The following SLIT3 variants were observed in gnomAD, a reference collection of about 807,000 sequenced individuals.
SLIT3 encodes slit homolog 3 protein.
SLIT3 carries 68 observed loss-of-function variants against 184.0 expected under a neutral mutation model. The ratio of observed to expected loss-of-function variants is 0.37; its 90% CI spans 0.30 to 0.45. The LOEUF (loss-of-function observed/expected upper bound fraction) is 0.45. SLIT3 is among the 20% of genes least tolerant of loss of function. SLIT3 has a pLI of 1.00. For missense variants in SLIT3, 1,707 were observed against 2,026.0 expected (o/e 0.84, Z 3.02); for synonymous variants, 831 against 828.6 (o/e 1.00, Z -0.05).
intron 5 of SLIT3, among the ~76,000 whole-genome samples, chr5:168,846,288 G>T (rs936030816): frequency 6.6e-6 from 1 of 152,124 alleles, no homozygotes; most frequent in Non-Finnish European, 1.5e-5. Flanking sequence ...TTCAGTTGGC[G>T]AGTTCTGTAT....
intron 12 of SLIT3, among the ~76,000 whole-genome samples, chr5:168,776,810 G>A (rs1218817757): frequency 6.6e-6 from 1 of 152,124 alleles, no homozygotes; most frequent in African/African-American, 2.4e-5. Flanking sequence ...CTCAGGAATG[G>A]ACCCTTCACA....
rs1411099851 is a variant in SLIT3, at chr5:168,661,790, A to G, written c.*4664T>C. Reference sequence around the variant, plus strand: ...CTGATAGCTCCTCTGTGACTCATCCATTTATTTTAATGACATCTGAATATG... The same window carrying G: ...CTGATAGCTCCTCTGTGACTCATCCGTTTATTTTAATGACATCTGAATATG... On this transcript the variant is annotated 3_prime_UTR_variant, in exon 36 of 36. Transcript: ENST00000519560. The G allele has an allele frequency of 6.6e-6, 1 of 152,216 alleles. No individual in the cohort carries two copies. Among genetic ancestry groups the G allele is most frequent in the Non-Finnish European group, 1.5e-5 (1 of 68,050 alleles). The allele number at this position is 152,216 out of a possible 1,614,324, so 9.4% of individuals were successfully genotyped here. A position where few individuals can be genotyped will look rare whatever the true frequency, so the allele number is the denominator to read the frequency against.
In SLIT3 at chr5:168,710,944, C is replaced by A; in HGVS notation, c.2670G>T (p.Met890Ile). The A allele has an allele frequency of 6.4e-7, 1 of 1,565,380 alleles. No individual in the cohort carries two copies. The highest frequency in any genetic ancestry group is 2.3e-5 in the East Asian group (1 of 42,900). Residue 890 changes from methionine (M) to isoleucine (I), a missense_variant, in exon 25 of 36, where the codon ATG becomes ATT. Physicochemically the swap from Met to Ile is conservative, Grantham distance 10. Around this residue, in one of 3 missense-constraint regions of SLIT3, gnomAD observed 1,307 missense variants for 1,511.6 expected, o/e 0.86. Coordinates refer to ENST00000519560, the MANE Select transcript of SLIT3 (RefSeq NM_003062.4). ...GIARCSSPEP[M>I]ADRLLLTTPT... ...GGGTGGTGAGCAGGAGCCTGTCAGC[C>A]ATGGGCTCAGGGCTACTGCAGCGGG...
chr5:169,102,828 A>G lies in SLIT3; in HGVS notation c.413+90651T>C, dbSNP rs143748043. 1.2e-4 allele frequency among the ~76,000 whole-genome samples: 19 copies of G among 152,330 alleles called. No individual in the cohort carries two copies. The East Asian group carries it at 3.7e-3, about 29-fold the overall frequency. ...GTTAATCTCATCCCGAAACATCCTC[A>G]CAGAAGCACTCGAATGATATCTGAC... On this transcript the variant is annotated intron_variant, in intron 4 of 35. Coordinates refer to ENST00000519560, the MANE Select transcript of SLIT3 (RefSeq NM_003062.4).
chr5:168,870,959 C>T (rs1364100863), intron 5 of SLIT3, among the ~76,000 whole-genome samples: 1 of 152,178 alleles, frequency 6.6e-6, no homozygotes, highest in African/African-American at 2.4e-5. Flanking sequence ...ACTGGTTTCC[C>T]ATGGCTGCTA....
intron 4 of SLIT3, among the ~76,000 whole-genome samples, chr5:169,021,917 C>T (rs969528140): frequency 6.0e-5 from 9 of 151,224 alleles, no homozygotes; most frequent in South Asian, 2.1e-4. Flanking sequence ...ATACTAGACA[C>T]GTGTGACTGT....
chr5:169,296,865 G>T (rs1302786004), intron 1 of SLIT3, among the ~76,000 whole-genome samples: 1 of 152,192 alleles, frequency 6.6e-6, no homozygotes, highest in Non-Finnish European at 1.5e-5. Context: ...GTCCACTCTT[G>T]CCCCCACTCC....
At chr5:169,079,319 T>G (rs1758871713) in intron 4 of SLIT3, among the ~76,000 whole-genome samples, 1 of 152,096 alleles carries the variant, frequency 6.6e-6, no homozygotes, top group East Asian at 1.9e-4. Context: ...TTTCAGATCT[T>G]ATAGTTCTAG....
At chr5:168,883,438 T>A in intron 4 of SLIT3, 102 bp from the exon 5 acceptor site, 1 of 872,918 alleles carries the variant, frequency 1.1e-6, no homozygotes, top group South Asian at 1.4e-5. Context: ...CTGCTGCCTC[T>A]GCGGTCAGAG....
rs1454180879 is a variant in SLIT3, at chr5:168,983,411, C to T, written c.414-100075G>A. Among the ~76,000 whole-genome samples, 56 of 152,208 alleles carry T rather than the reference C, an allele frequency of 3.7e-4. 1 individual carries two copies. Among genetic ancestry groups the T allele is most frequent in the Admixed American group, 3.6e-3 (55 of 15,282 alleles). Reference sequence around the variant, plus strand: ...TCACCTAAGCCCTGCAATCCGTTCCCCTAGGATGGGAGAAAATATCTTCTT... The same window carrying T: ...TCACCTAAGCCCTGCAATCCGTTCCTCTAGGATGGGAGAAAATATCTTCTT... On this transcript the variant is annotated intron_variant, in intron 4 of 35. Coordinates refer to ENST00000519560, the MANE Select transcript of SLIT3 (RefSeq NM_003062.4).
chr5:169,019,079 T>G (rs888219397), intron 4 of SLIT3, among the ~76,000 whole-genome samples: 1 of 152,194 alleles, frequency 6.6e-6, no homozygotes, highest in African/African-American at 2.4e-5. Flanking sequence ...ACATCTTTCA[T>G]AGACAGCAAA....
chr5:168,753,161 C>G, intron 17 of SLIT3, 63 bp from the exon 18 acceptor site: 1 of 1,571,092 alleles, frequency 6.4e-7, no homozygotes, highest in Non-Finnish European at 8.7e-7. Flanking sequence ...CAAATGGTGC[C>G]ACGGTGGTGT....
rs1049118201 is a variant in SLIT3 at position 168,671,259 on chromosome 5, G to A, written c.4066C>T (p.Arg1356Cys). The change falls in exon 34 of 36, where the codon CGC becomes TGC. Residue 1356 changes from arginine (R) to cysteine (C), a missense_variant. Arg to Cys is a radical substitution (Grantham distance 180). Around this residue, in one of 3 missense-constraint regions of SLIT3, gnomAD observed 387 missense variants for 477.9 expected, o/e 0.81. Coordinates refer to ENST00000519560, the MANE Select transcript of SLIT3 (RefSeq NM_003062.4). ...CAGAGTGGGCCGGTCCAGCCTGGGCGGCACTCGCACACCACGCTGTCCTTC... is the reference window on the plus strand; with the variant it reads ...CAGAGTGGGCCGGTCCAGCCTGGGCAGCACTCGCACACCACGCTGTCCTTC... ...VEKDSVVCEC[R>C]PGWTGPLCDQ... 3.1e-6 allele frequency: 5 copies of A among 1,613,470 alleles called. No individual in the cohort carries two copies. The highest frequency in any genetic ancestry group is 2.2e-5 in the East Asian group (1 of 44,876).
chr5:169,128,907 G>A (rs17667423), intron 4 of SLIT3, among the ~76,000 whole-genome samples: 3,254 of 152,100 alleles, frequency 0.021, 50 homozygotes, highest in East Asian at 0.053. Context: ...ACTAAAAGGC[G>A]GCTTGTATTT....
chr5:168,901,384 AAAAC>A (rs1760870193), intron 4 of SLIT3, among the ~76,000 whole-genome samples: 1 of 151,774 alleles, frequency 6.6e-6, no homozygotes, highest in African/African-American at 2.4e-5. Flanking sequence ...AAAACAAAAC[AAAAC>A]AAAACAAAAT....
intron 23 of SLIT3, 40 bp from the exon 24 acceptor site, chr5:168,712,394 A>G: frequency 6.3e-7 from 1 of 1,585,936 alleles, no homozygotes; most frequent in South Asian, 1.1e-5. Flanking sequence ...AGCATCCACT[A>G]ATTTGAATTT....
At chr5:169,165,309 G>C (rs774657351) in intron 4 of SLIT3, among the ~76,000 whole-genome samples, 81 of 152,236 alleles carry the variant, frequency 5.3e-4, no homozygotes, top group Non-Finnish European at 3.1e-4. Flanking sequence ...CAACCTAAAA[G>C]AGAGATCCTA....
chr5:169,103,386 T>G (rs2113235818), intron 4 of SLIT3, among the ~76,000 whole-genome samples: 1 of 152,316 alleles, frequency 6.6e-6, no homozygotes, highest in South Asian at 2.1e-4. Context: ...AGAAAGGGTT[T>G]GAAAAGCCCT....
chr5:169,273,624 C>T (rs966899322), intron 1 of SLIT3, among the ~76,000 whole-genome samples: 2 of 152,180 alleles, frequency 1.3e-5, no homozygotes, highest in Admixed American at 1.3e-4. Flanking sequence ...TTTCAATGTG[C>T]AGCTAGGGTT....
Sources: allele counts gnomAD v4.1 joint callset (sites outside exome capture counted in the v4.1 genomes callset), GRCh38; gene constraint gnomAD v4.1.1; regional missense constraint gnomAD v4.1.1; transcripts MANE v1.5; gene names NCBI Gene and HGNC (gene_info 2026-07-23, HGNC 2026-07-21).